The following MAP2K5 variants were observed in gnomAD, a reference collection of about 807,000 sequenced individuals.
The protein encoded by MAP2K5 is dual specificity mitogen-activated protein kinase kinase 5.
A neutral mutation model predicts 83.1 loss-of-function variants in MAP2K5; 49 were observed. The ratio of observed to expected loss-of-function variants is 0.59; its 90% confidence interval spans 0.47 to 0.75. MAP2K5 has a LOEUF of 0.75. Among genes scored for constraint, MAP2K5 ranks in the 30% least tolerant of loss-of-function variants. The probability of loss-of-function intolerance (pLI) is 0.00; values close to 1 mark genes in which losing one functional copy is unlikely to be tolerated. For synonymous variants in MAP2K5, 202 were observed against 191.8 expected (o/e 1.05, Z -0.44); for missense variants, 457 against 557.5 (o/e 0.82, Z 1.82).
At chr15:67,711,653 G>A (rs979502456) in intron 16 of MAP2K5, among the ~76,000 whole-genome samples, 2 of 140,514 alleles carry the variant, frequency 1.4e-5, no homozygotes, top group South Asian at 2.4e-4. Flanking sequence ...ATTTACACAC[G>A]CACACACAGG....
chr15:67,795,235 A>G (rs909894891), intron 21 of MAP2K5, among the ~76,000 whole-genome samples: 1 of 151,910 alleles, frequency 6.6e-6, no homozygotes, highest in African/African-American at 2.4e-5. Context: ...ACATCTTTCT[A>G]TTTAATTCCT....
rs1241440578 is a variant in MAP2K5 at position 67,790,183 on chromosome 15, G to A, written c.1243-16463G>A. ...CTTTAAAGCAGCCTGTAGACATCAGGAATATTTATTTTTTCTATTTGTTTT... is the reference window on the plus strand; with the variant it reads ...CTTTAAAGCAGCCTGTAGACATCAGAAATATTTATTTTTTCTATTTGTTTT... On this transcript the variant is annotated intron_variant, in intron 21 of 21. Coordinates refer to ENST00000178640, the MANE Select transcript of MAP2K5 (RefSeq NM_145160.3). This position sits in a 1 kb window ranked among gnomAD's most constrained non-coding sequence, Gnocchi z 4.6. 6.6e-6 allele frequency among the ~76,000 whole-genome samples: 1 copy of A among 152,146 alleles called. No individual in the cohort carries two copies.
chr15:67,586,741 T>A, intron 5 of MAP2K5, 105 bp from the exon 6 acceptor site: 2 of 1,019,132 alleles, frequency 2.0e-6, no homozygotes. Context: ...AGCAACAAGC[T>A]AATTAACCTT....
At chr15:67,742,121 G>A (rs1039455400) in intron 17 of MAP2K5, among the ~76,000 whole-genome samples, 1 of 151,994 alleles carries the variant, frequency 6.6e-6, no homozygotes, top group African/African-American at 2.4e-5. Context: ...GTCATGATCT[G>A]CCCTCGTGAT....
Position 67,748,028 on chromosome 15 carries a change from T to C in MAP2K5, c.1075-203T>C, listed in dbSNP as rs1398530083. 6.6e-6 allele frequency among the ~76,000 whole-genome samples: 1 copy of C among 152,230 alleles called. No individual in the cohort carries two copies. Among genetic ancestry groups the C allele is most frequent in the Non-Finnish European group, 1.5e-5 (1 of 68,046 alleles). On this transcript the variant is annotated intron_variant, in intron 17 of 21. Transcript: ENST00000178640. This position sits in a 1 kb window ranked among gnomAD's most constrained non-coding sequence, Gnocchi z 4.0. ...CAACCTGGAGGGTACTAAAAAGTGT[T>C]GTGTGAAATTAACATTCTGCTGACT...
At position 67,783,465 on chromosome 15, in the gene MAP2K5, C is replaced by T. The variant is rs140437198; in HGVS notation, c.1242+10713C>T. On this transcript the variant is annotated intron_variant, in intron 21 of 21. Transcript: ENST00000178640. The surrounding 1 kb of genome is among the most constrained non-coding windows in gnomAD (Gnocchi z 5.1). Reference sequence around the variant, plus strand: ...GCCAGATGGTGAACTTCTCCACCTCCGAAACCCAACTGGCACAACCTCTGT... The same window carrying T: ...GCCAGATGGTGAACTTCTCCACCTCTGAAACCCAACTGGCACAACCTCTGT... Among the ~76,000 whole-genome samples, 22 of 152,258 alleles carry T rather than the reference C, an allele frequency of 1.4e-4. 1 individual carries two copies. The highest frequency in any genetic ancestry group is 4.3e-4 in the African/African-American group (18 of 41,558).
rs554187524 is a variant in MAP2K5 at position 67,657,038 on chromosome 15, G to T, written c.737-1515G>T. Reference sequence around the variant, plus strand: ...AAAAGGACAAAATGAATCAGTGATGGCACAGAGCCAGCTGTGTAAAGATTT... The same window carrying T: ...AAAAGGACAAAATGAATCAGTGATGTCACAGAGCCAGCTGTGTAAAGATTT... On this transcript the variant is annotated intron_variant, in intron 11 of 21. Transcript: ENST00000178640. 1.5e-4 allele frequency among the ~76,000 whole-genome samples: 23 copies of T among 152,270 alleles called. No individual in the cohort carries two copies. The South Asian group carries it at 3.9e-3, about 26-fold the overall frequency.
chr15:67,559,425 A>G lies in MAP2K5; in HGVS notation c.185-3858A>G, dbSNP rs961953253. On this transcript the variant is annotated intron_variant, in intron 2 of 21. Coordinates refer to ENST00000178640, the MANE Select transcript of MAP2K5 (RefSeq NM_145160.3). The surrounding 1 kb of genome is among the most constrained non-coding windows in gnomAD (Gnocchi z 4.7). The stretch of plus-strand genomic sequence containing the variant: ...TTACCTGAGGCTGCTTCTCCTCTCT[A>G]TTGGGCCTTTATGTTTCTCTTCTTG... Among the ~76,000 whole-genome samples the G allele has an allele frequency of 9.9e-5, 15 of 151,892 alleles. No homozygotes were observed. The highest frequency in any genetic ancestry group is 1.9e-4 in the African/African-American group (8 of 41,338).
At chr15:67,579,215 C>T (rs1158421689) in intron 3 of MAP2K5, among the ~76,000 whole-genome samples, 3 of 151,982 alleles carry the variant, frequency 2.0e-5, no homozygotes, top group African/African-American at 7.2e-5. Context: ...GAGCAATGTT[C>T]CAAATAGCCA....
intron 12 of MAP2K5, 69 bp downstream of exon 12, chr15:67,658,683 A>G: frequency 7.7e-6 from 10 of 1,291,044 alleles, no homozygotes; most frequent in Admixed American, 3.4e-5. Context: ...CATTCTTCTT[A>G]TATTCTCAAT....
rs1174603116 is a variant in MAP2K5, at chr15:67,750,005, G to A, written c.1134+1404G>A. On this transcript the variant is annotated intron_variant, in intron 19 of 21. Coordinates refer to ENST00000178640, the MANE Select transcript of MAP2K5 (RefSeq NM_145160.3). This position sits in a 1 kb window ranked among gnomAD's most constrained non-coding sequence, Gnocchi z 4.2. ...TAAAGGCATTCCTCACCAATACTATGTGTGTTTCTCATTTGAATGTTTTCT... is the reference window on the plus strand; with the variant it reads ...TAAAGGCATTCCTCACCAATACTATATGTGTTTCTCATTTGAATGTTTTCT... Among the ~76,000 whole-genome samples, 2 of 152,142 alleles carry A rather than the reference G, an allele frequency of 1.3e-5. No homozygotes were observed. Among genetic ancestry groups the A allele is most frequent in the Non-Finnish European group, 2.9e-5 (2 of 68,014 alleles).
intron 8 of MAP2K5, among the ~76,000 whole-genome samples, chr15:67,604,624 C>T (rs907677003): frequency 3.9e-5 from 6 of 151,916 alleles, no homozygotes; most frequent in Admixed American, 2.6e-4. Context: ...GGGCGGGGTG[C>T]GGTGGCTCAC....
intron 15 of MAP2K5, among the ~76,000 whole-genome samples, chr15:67,696,006 G>C (rs2088243609): frequency 6.6e-6 from 1 of 151,682 alleles, no homozygotes; most frequent in South Asian, 2.1e-4. Flanking sequence ...TTGGCCAAGT[G>C]CTCACCTACA....
At chr15:67,787,654 G>A (rs1184536949) in intron 21 of MAP2K5, among the ~76,000 whole-genome samples, 5 of 152,260 alleles carry the variant, frequency 3.3e-5, no homozygotes, top group East Asian at 3.9e-4. Context: ...TCAAAGCCTC[G>A]AAACAATTAA....
chr15:67,714,018 G>C (rs951778182), intron 16 of MAP2K5, among the ~76,000 whole-genome samples: 1 of 152,110 alleles, frequency 6.6e-6, no homozygotes, highest in Admixed American at 6.5e-5. Flanking sequence ...GGTAACATTA[G>C]AATTCATTCA....
intron 8 of MAP2K5, among the ~76,000 whole-genome samples, chr15:67,618,464 G>A (rs1381000065): frequency 6.6e-6 from 1 of 152,094 alleles, no homozygotes. Context: ...CATATCATCT[G>A]TATGCTGAGG....
Position 67,702,730 on chromosome 15 carries a change from G to T in MAP2K5, c.973-607G>T, listed in dbSNP as rs2088451701. Among the ~76,000 whole-genome samples the T allele has an allele frequency of 6.6e-6, 1 of 152,258 alleles. No homozygotes were observed. Among genetic ancestry groups the T allele is most frequent in the East Asian group, 1.9e-4 (1 of 5,184 alleles). ...GAGTCCCAAATGGACCTTTCAGACT[G>T]TTCCTTGGTTCATATACAAAGAAAC... On this transcript the variant is annotated intron_variant, in intron 15 of 21. Coordinates refer to ENST00000178640, the MANE Select transcript of MAP2K5 (RefSeq NM_145160.3). This position sits in a 1 kb window ranked among gnomAD's most constrained non-coding sequence, Gnocchi z 4.6.
At chr15:67,664,552 A>G in intron 12 of MAP2K5, 45 bp from the exon 13 acceptor site, 1 of 1,278,552 alleles carries the variant, frequency 7.8e-7, no homozygotes, top group Non-Finnish European at 1.1e-6. Flanking sequence ...TTCCTTTTAA[A>G]AACCATAATT....
In MAP2K5 at chr15:67,720,077, G is replaced by C. The variant is rs1032655871; in HGVS notation, c.1045-7839G>C. ...CTACAAAAGTGGGCATTTTTAAATT[G>C]AGGGTTTTTTCCCCTTTTTTATTTA... On this transcript the variant is annotated intron_variant, in intron 16 of 21. Coordinates refer to ENST00000178640, the MANE Select transcript of MAP2K5 (RefSeq NM_145160.3). The surrounding 1 kb of genome is among the most constrained non-coding windows in gnomAD (Gnocchi z 5.7). Among the ~76,000 whole-genome samples, 8 of 152,116 alleles carry C rather than the reference G, an allele frequency of 5.3e-5. No homozygotes were observed. The highest frequency in any genetic ancestry group is 1.9e-4 in the African/African-American group (8 of 41,414).
Sources: allele counts gnomAD v4.1 joint callset (sites outside exome capture counted in the v4.1 genomes callset), GRCh38; gene constraint gnomAD v4.1.1; non-coding constraint Gnocchi (gnomAD v3.1); transcripts MANE v1.5; gene names NCBI Gene and HGNC (gene_info 2026-07-23, HGNC 2026-07-21).